TMEFF2: variants seen among roughly 807,000 people sequenced by gnomAD.
TMEFF2 encodes the protein tomoregulin-2.
In TMEFF2, 28 loss-of-function variants were observed where a neutral mutation model predicts 53.8. The ratio of observed to expected loss-of-function variants is 0.52; its 90% CI spans 0.39 to 0.71. The LOEUF (loss-of-function observed/expected upper bound fraction) is 0.71, where lower values mean the gene tolerates loss of function less well. Ranked by LOEUF, TMEFF2 falls within the 30% of genes least tolerant of loss-of-function variation. The probability of loss-of-function intolerance (pLI) is 0.00; values close to 1 mark genes in which losing one functional copy is unlikely to be tolerated. For synonymous variants in TMEFF2, 162 were observed against 166.3 expected (o/e 0.97, Z 0.20); for missense variants, 353 against 455.2 (o/e 0.78, Z 2.04).
At chr2:192,162,616 C>T (rs1435017280) in intron 4 of TMEFF2, among the ~76,000 whole-genome samples, 1 of 152,072 alleles carries the variant, frequency 6.6e-6, no homozygotes, top group African/African-American at 2.4e-5. Context: ...GATATGAGCG[C>T]CCCCTACTGG....
At chr2:192,037,329 G>GAAAGA (rs1553515749) in intron 5 of TMEFF2, among the ~76,000 whole-genome samples, 6 of 145,878 alleles carry the variant, frequency 4.1e-5, no homozygotes, top group Middle Eastern at 3.5e-3. Flanking sequence ...AAGAAAGAAA[G>GAAAGA]AAAGAAAAAC....
At chr2:191,972,308 CTTTTTTTTTTTTTT>C (rs764218539) in intron 7 of TMEFF2, among the ~76,000 whole-genome samples, 1 of 72,830 alleles carries the variant, frequency 1.4e-5, no homozygotes, top group Admixed American at 1.5e-4. Flanking sequence ...TCATGCCCAG[CTTTTTTTTTTTTTT>C]TTTTTTTTTT....
At chr2:192,032,528 G>A (rs1687165883) in intron 5 of TMEFF2, 1 of 152,168 alleles carries the variant, frequency 6.6e-6, no homozygotes, top group South Asian at 2.1e-4. Flanking sequence ...AGACGGAAGT[G>A]TATAACCTTG....
chr2:192,123,051 A>C (rs1468530056), intron 4 of TMEFF2, among the ~76,000 whole-genome samples: 1 of 152,172 alleles, frequency 6.6e-6, no homozygotes, highest in East Asian at 1.9e-4. Flanking sequence ...CTGTATACCC[A>C]ATGGGAGAAA....
chr2:192,010,538 C>A (rs908924366), intron 5 of TMEFF2, among the ~76,000 whole-genome samples: 1 of 151,888 alleles, frequency 6.6e-6, no homozygotes, highest in African/African-American at 2.4e-5. Context: ...TTTCCCCCCA[C>A]TGAGGCATAT....
At chr2:191,964,548 C>T (rs1692417091) in intron 7 of TMEFF2, among the ~76,000 whole-genome samples, 1 of 151,602 alleles carries the variant, frequency 6.6e-6, no homozygotes, top group Non-Finnish European at 1.5e-5. Context: ...GTATCTTCAA[C>T]TCTTCCTCAC....
chr2:192,165,064 C>T (rs1410494038), intron 4 of TMEFF2, among the ~76,000 whole-genome samples: 1 of 151,422 alleles, frequency 6.6e-6, no homozygotes, highest in Non-Finnish European at 1.5e-5. Flanking sequence ...AGACACATCA[C>T]ACAAAACAAA....
At chr2:192,129,777 A>G (rs1304857414) in intron 4 of TMEFF2, among the ~76,000 whole-genome samples, 2 of 152,216 alleles carry the variant, frequency 1.3e-5, no homozygotes, top group Non-Finnish European at 2.9e-5. Context: ...ACAACACTGC[A>G]TAATCTACAG....
chr2:192,047,365 T>G (rs1687648880), intron 5 of TMEFF2, among the ~76,000 whole-genome samples: 1 of 152,244 alleles, frequency 6.6e-6, no homozygotes, highest in Non-Finnish European at 1.5e-5. Context: ...CTGCTTATTA[T>G]AAGCCCTTAT....
intron 4 of TMEFF2, among the ~76,000 whole-genome samples, chr2:192,097,722 AT>A (rs1236272800): frequency 6.6e-6 from 1 of 152,204 alleles, no homozygotes; most frequent in African/African-American, 2.4e-5. Context: ...ATTAGTATTT[AT>A]TAAGGTCTTT....
rs369058132 is a variant in TMEFF2, at chr2:191,964,370, T to TTCTC, written c.746-7996_746-7993dup. 9.3e-5 allele frequency among the ~76,000 whole-genome samples: 7 copies of TTCTC among 74,920 alleles called. 1 individual carries two copies. Among genetic ancestry groups the TTCTC allele is most frequent in the Admixed American group, 6.3e-4 (4 of 6,392 alleles). 49.2% of individuals were successfully genotyped at this position (74,920 alleles called of 152,430 possible). On this transcript the variant is annotated intron_variant, in intron 7 of 9. Coordinates refer to ENST00000272771, the MANE Select transcript of TMEFF2 (RefSeq NM_016192.4). ...TTTCTTTCTTTCTTTCTTTCTTTCTTTCTCTTTCTTTCTTTCTTTCTTTCT... is the reference window on the plus strand; with the variant it reads ...TTTCTTTCTTTCTTTCTTTCTTTCTTTCTCTCTCTTTCTTTCTTTCTTTCTTTCT...
Position 191,949,229 on chromosome 2 carries a change from A to G in TMEFF2, c.*1082T>C, listed in dbSNP as rs115170322. The G allele has an allele frequency of 1.3e-3, 1,311 of 985,278 alleles. 10 individuals are homozygous for G. In the African/African-American group the frequency reaches 0.02, roughly 15 times the overall value. 61.0% of individuals were successfully genotyped at this position (985,278 alleles called of 1,614,324 possible). A position where few individuals can be genotyped will look rare whatever the true frequency, so the allele number is the denominator to read the frequency against. On this transcript the variant is annotated 3_prime_UTR_variant, in exon 10 of 10. Coordinates refer to ENST00000272771, the MANE Select transcript of TMEFF2 (RefSeq NM_016192.4). ...ACAAATCAAACAAAAATCCATACCA[A>G]CTTCCCAGTGAGGTCTTTCAGATGC...
chr2:191,966,815 A>G (rs940287450), intron 7 of TMEFF2, among the ~76,000 whole-genome samples: 1 of 152,188 alleles, frequency 6.6e-6, no homozygotes, highest in East Asian at 1.9e-4. Context: ...GATATACTTG[A>G]TGATACTGTG....
chr2:192,027,372 AT>A lies in TMEFF2; in HGVS notation c.537-28165del, dbSNP rs375710811. On this transcript the variant is annotated intron_variant, in intron 5 of 9. Coordinates refer to ENST00000272771, the MANE Select transcript of TMEFF2 (RefSeq NM_016192.4). The stretch of plus-strand genomic sequence containing the variant: ...CCTTGCTTTGTGTTGTATATTACAT[AT>A]GATAAAGGCATGTCAGGATATATAT... 3.2e-3 allele frequency among the ~76,000 whole-genome samples: 488 copies of A among 152,336 alleles called. 3 individuals are homozygous for A. The highest frequency in any genetic ancestry group is 0.011 in the African/African-American group (467 of 41,574).
intron 4 of TMEFF2, among the ~76,000 whole-genome samples, chr2:192,066,549 G>A (rs1688173507): frequency 6.6e-6 from 1 of 151,838 alleles, no homozygotes; most frequent in South Asian, 2.1e-4. Context: ...GTTTGCTAGA[G>A]CTTGACAAAG....
intron 4 of TMEFF2, among the ~76,000 whole-genome samples, chr2:192,170,395 G>T (rs1441901504): frequency 6.6e-6 from 1 of 152,010 alleles, no homozygotes; most frequent in Non-Finnish European, 1.5e-5. Context: ...TCTCAATGTT[G>T]CCAGGACCAA....
intron 7 of TMEFF2, among the ~76,000 whole-genome samples, chr2:191,983,762 A>C (rs1234074984): frequency 1.3e-5 from 2 of 152,196 alleles, no homozygotes; most frequent in Non-Finnish European, 2.9e-5. Context: ...ACTCAAAGGA[A>C]ACAGAACAGG....
chr2:192,044,543 C>G (rs922792025), intron 5 of TMEFF2: 1 of 152,114 alleles, frequency 6.6e-6, no homozygotes, highest in Non-Finnish European at 1.5e-5. Context: ...CTGCTTTTCA[C>G]TAGTTTTCAG....
chr2:192,054,774 C>T (rs1289269218), intron 5 of TMEFF2, among the ~76,000 whole-genome samples: 2 of 152,096 alleles, frequency 1.3e-5, no homozygotes, highest in Non-Finnish European at 1.5e-5. Context: ...CCTTTAGTTA[C>T]TTTCACCTCG....
Sources: allele counts gnomAD v4.1 joint callset (sites outside exome capture counted in the v4.1 genomes callset), GRCh38; gene constraint gnomAD v4.1.1; transcripts MANE v1.5; gene names NCBI Gene and HGNC (gene_info 2026-07-23, HGNC 2026-07-21).